Variants in PMFBP1 observed in about 807,000 individuals in gnomAD.
PMFBP1 encodes polyamine modulated factor 1 binding protein 1.
PMFBP1 carries 131 observed loss-of-function variants against 137.8 expected under a neutral mutation model. That is an observed-to-expected ratio of 0.95 (90% CI 0.82 to 1.10). PMFBP1 has a LOEUF of 1.10. PMFBP1 is among the 50% of genes least tolerant of loss of function. The pLI, the probability that PMFBP1 is intolerant of heterozygous loss-of-function variation, is 0.00. For missense variants in PMFBP1, 1,199 were observed against 1,175.4 expected (o/e 1.02, Z -0.29); for synonymous variants, 490 against 450.4 (o/e 1.09, Z -1.11).
chr16:72,128,922 C>A (rs1297302078), intron 13 of PMFBP1, 128 bp from the exon 14 acceptor site: 2 of 1,505,626 alleles, frequency 1.3e-6, no homozygotes, highest in East Asian at 4.5e-5. Context: ...CATTCTCGCT[C>A]CCCTCCTCGC....
the PMFBP1 span, among the ~76,000 whole-genome samples, chr16:72,246,097 G>A: frequency 2.6e-5 from 4 of 152,158 alleles, no homozygotes; most frequent in Admixed American, 2.6e-4. Context: ...GGAGGGAGGA[G>A]ATTACAGTTT....
the PMFBP1 span, among the ~76,000 whole-genome samples, chr16:72,198,652 C>T: frequency 6.6e-6 from 1 of 152,128 alleles, no homozygotes; most frequent in Non-Finnish European, 1.5e-5. Flanking sequence ...TTTTCTCCCC[C>T]ACCCCAAACC....
intron 3 of PMFBP1, 59 bp downstream of exon 3, chr16:72,164,705 A>G (rs1262354234): frequency 6.5e-7 from 1 of 1,534,850 alleles, no homozygotes; most frequent in East Asian, 2.3e-5. Context: ...TTCCCGCCCA[A>G]GGGAGCAGAG....
chr16:72,125,442 A>G (rs765357587), intron 15 of PMFBP1, 37 bp from the exon 16 acceptor site: 1 of 1,598,914 alleles, frequency 6.3e-7, no homozygotes, highest in African/African-American at 1.4e-5. Context: ...TGGCTGTCAG[A>G]GACTTTGACC....
At chr16:72,124,350 C>T (rs2042421426) in intron 17 of PMFBP1, among the ~76,000 whole-genome samples, 1 of 152,228 alleles carries the variant, frequency 6.6e-6, no homozygotes, top group Non-Finnish European at 1.5e-5. Context: ...GGCCCAGTGG[C>T]CACCTGAGCT....
At chr16:72,240,793 C>T in the PMFBP1 span, among the ~76,000 whole-genome samples, 2 of 152,168 alleles carry the variant, frequency 1.3e-5, no homozygotes, top group Non-Finnish European at 2.9e-5. Flanking sequence ...CTAAGGGGTC[C>T]TTTCCATCTC....
intron 3 of PMFBP1, among the ~76,000 whole-genome samples, chr16:72,163,928 T>TG (rs200912739): frequency 0.056 from 7,250 of 129,294 alleles, 246 homozygotes; most frequent in Non-Finnish European, 0.077. Context: ...GTGGAAAGGG[T>TG]GGGGGGGGTG....
At chr16:72,212,887 T>C in the PMFBP1 span, among the ~76,000 whole-genome samples, 1 of 152,348 alleles carries the variant, frequency 6.6e-6, no homozygotes, top group African/African-American at 2.4e-5. Flanking sequence ...AATAGCTGTA[T>C]TTCATGCTAG....
At chr16:72,129,297 C>T in intron 12 of PMFBP1, 64 bp from the exon 13 acceptor site, 1 of 1,532,438 alleles carries the variant, frequency 6.5e-7, no homozygotes, top group Non-Finnish European at 8.8e-7. Flanking sequence ...GGGAAAAATA[C>T]AGACAATTGC....
the PMFBP1 span, among the ~76,000 whole-genome samples, chr16:72,241,598 G>T: frequency 6.6e-6 from 1 of 152,094 alleles, no homozygotes; most frequent in Non-Finnish European, 1.5e-5. Context: ...ACTTCATGGG[G>T]GTGGGTTCAG....
upstream of PMFBP1, chr16:72,174,196 A>C (rs1036583577): frequency 2.0e-5 from 3 of 152,152 alleles, no homozygotes; most frequent in Non-Finnish European, 4.4e-5. Context: ...CCACACCTCA[A>C]ATGGGTGACT....
At chr16:72,199,518 G>A in the PMFBP1 span, among the ~76,000 whole-genome samples, 3 of 152,020 alleles carry the variant, frequency 2.0e-5, no homozygotes, top group South Asian at 2.1e-4. Context: ...GCTGGGCATG[G>A]TGGTGCACTC....
intron 4 of PMFBP1, 110 bp downstream of exon 4, chr16:72,154,101 G>T: frequency 1.4e-6 from 2 of 1,401,520 alleles, no homozygotes; most frequent in Non-Finnish European, 1.9e-6. Context: ...AAACCTGCTC[G>T]GGATGTTGCA....
chr16:72,224,949 C>T, the PMFBP1 span: 1 of 152,210 alleles, frequency 6.6e-6, no homozygotes, highest in Non-Finnish European at 1.5e-5. Flanking sequence ...TTATACTCTA[C>T]TAACAATAAA....
intron 16 of PMFBP1, 145 bp from the exon 17 acceptor site, chr16:72,125,079 C>G: frequency 7.3e-7 from 1 of 1,370,592 alleles, no homozygotes; most frequent in East Asian, 2.3e-5. Context: ...CACCCATGCT[C>G]CGATCTTTGC....
chr16:72,139,096 A>T (rs956771210), intron 7 of PMFBP1, among the ~76,000 whole-genome samples, 193 bp downstream of exon 7: 5 of 152,192 alleles, frequency 3.3e-5, no homozygotes, highest in Non-Finnish European at 7.3e-5. Flanking sequence ...GCAGTTCCAA[A>T]ATTGAATGCT....
intron 18 of PMFBP1, among the ~76,000 whole-genome samples, chr16:72,123,217 G>C (rs1212755698): frequency 1.3e-5 from 2 of 152,208 alleles, no homozygotes; most frequent in Non-Finnish European, 2.9e-5. Flanking sequence ...GTGAGTTCAA[G>C]GGAATGAGTT....
At chr16:72,136,889 G>C (rs1458082657) in intron 7 of PMFBP1, 70 bp from the exon 8 acceptor site, 6 of 1,595,118 alleles carry the variant, frequency 3.8e-6, no homozygotes, top group Non-Finnish European at 4.3e-6. Flanking sequence ...AAAATGCCCA[G>C]CATCCACAGT....
chr16:72,221,692 G>C, the PMFBP1 span, among the ~76,000 whole-genome samples: 1 of 152,290 alleles, frequency 6.6e-6, no homozygotes, highest in East Asian at 1.9e-4. Flanking sequence ...TTCTGACCAG[G>C]AATCGTGCAA....
Sources: allele counts gnomAD v4.1 joint callset (sites outside exome capture counted in the v4.1 genomes callset), GRCh38; gene constraint gnomAD v4.1.1; transcripts MANE v1.5; gene names NCBI Gene and HGNC (gene_info 2026-07-23, HGNC 2026-07-21).